SPTY2D1: variants seen among roughly 807,000 people sequenced by gnomAD.
The protein encoded by SPTY2D1 is protein SPT2 homolog.
Under a neutral mutation model 64.0 loss-of-function variants are expected in SPTY2D1, and 21 were observed. The ratio of observed to expected loss-of-function variants is 0.33; its 90% CI spans 0.23 to 0.47. The LOEUF is 0.47. SPTY2D1 is among the 20% of genes least tolerant of loss of function. The probability of loss-of-function intolerance (pLI) is 1.00; values close to 1 mark genes in which losing one functional copy is unlikely to be tolerated. For missense variants in SPTY2D1, 724 were observed against 837.2 expected, an observed-to-expected ratio of 0.86 and a Z score of 1.67; for synonymous variants, 287 against 286.8, an observed-to-expected ratio of 1.00 and a Z score of -0.01.
rs751834624 is a variant in SPTY2D1 at position 18,615,955 on chromosome 11, T to C, written c.319A>G (p.Lys107Glu). Residue 107 changes from lysine (K) to glutamate (E), a missense_variant, in exon 3 of 6, where the codon AAG becomes GAG. Around this residue, in one of 3 missense-constraint regions of SPTY2D1, gnomAD observed 179 missense variants for 232.5 expected, o/e 0.77. Coordinates refer to ENST00000336349, the MANE Select transcript of SPTY2D1 (RefSeq NM_194285.3). ...NGIPIEEKSK[K>E]RQATESHTSQ... ...GTATGGCTTTCTGTTGCCTGCCTCTTCTTTGACTTTTCCTCAATAGGAATC... is the reference window on the plus strand; with the variant it reads ...GTATGGCTTTCTGTTGCCTGCCTCTCCTTTGACTTTTCCTCAATAGGAATC... 6.8e-6 allele frequency: 11 copies of C among 1,608,854 alleles called. No homozygotes were observed. Among genetic ancestry groups the C allele is most frequent in the Non-Finnish European group, 6.0e-6 (7 of 1,175,892 alleles).
In SPTY2D1 at chr11:18,615,381, G is replaced by C; in HGVS notation, c.893C>G (p.Pro298Arg). 1 of 1,614,216 alleles carries C rather than the reference G, an allele frequency of 6.2e-7. No individual in the cohort carries two copies. Among genetic ancestry groups the C allele is most frequent in the Non-Finnish European group, 8.5e-7 (1 of 1,180,032 alleles). The change falls in exon 3 of 6, where the codon CCC becomes CGC. Residue 298 changes from proline to arginine, a missense_variant. Around this residue, in one of 3 missense-constraint regions of SPTY2D1, gnomAD observed 426 missense variants for 431.8 expected, o/e 0.99. Coordinates refer to ENST00000336349, the MANE Select transcript of SPTY2D1 (RefSeq NM_194285.3). ...IKAGSGNSSQPSLREGHDKPV... is the reference protein window; with the variant it reads ...IKAGSGNSSQRSLREGHDKPV... The stretch of plus-strand genomic sequence containing the variant: ...TTTGTCGTGGCCCTCACGAAGTGAG[G>C]GTTGGGAGCTATTGCCAGATCCTGC...
chr11:18,633,346 A>C (rs1406334569), intron 1 of SPTY2D1, among the ~76,000 whole-genome samples: 1 of 152,244 alleles, frequency 6.6e-6, no homozygotes, highest in African/African-American at 2.4e-5. Context: ...AACCGCAGGC[A>C]TCACCATGCA....
intron 1 of SPTY2D1, among the ~76,000 whole-genome samples, chr11:18,630,286 C>A (rs1228388499): frequency 6.6e-6 from 1 of 152,104 alleles, no homozygotes; most frequent in African/African-American, 2.4e-5. Flanking sequence ...ACCATCCTGA[C>A]CAACATGGTG....
rs777329093 is a variant in SPTY2D1 at position 18,614,574 on chromosome 11, C to A, written c.1700G>T (p.Arg567Ile). ...NGMKPPLSGY[R>I]AAQGPQRLPF... ...AGGGGAAATTTTACCTTGGGCAGCT[C>A]TGTAGCCAGATAGGGGAGGCTTCAT... Residue 567 changes from arginine to isoleucine, a missense_variant, in exon 3 of 6, where the codon AGA becomes ATA. By Grantham distance (97) the Arg-to-Ile change is moderately conservative. Coordinates refer to ENST00000336349, the MANE Select transcript of SPTY2D1 (RefSeq NM_194285.3). 1 of 1,608,564 alleles carries A rather than the reference C, an allele frequency of 6.2e-7. No individual in the cohort carries two copies.
intron 1 of SPTY2D1, among the ~76,000 whole-genome samples, chr11:18,619,391 G>A (rs923461528): frequency 2.6e-5 from 4 of 151,610 alleles, no homozygotes; most frequent in Non-Finnish European, 4.4e-5. Flanking sequence ...GGCTGAGGCG[G>A]GAGGACAGCT....
intron 1 of SPTY2D1, among the ~76,000 whole-genome samples, chr11:18,632,545 C>G: frequency 6.6e-6 from 1 of 152,130 alleles, no homozygotes; most frequent in East Asian, 1.9e-4. Context: ...GATGGGGTTT[C>G]ATCATATTTG....
At chr11:18,614,507 T>G in intron 3 of SPTY2D1, 56 bp downstream of exon 3, 2 of 1,519,524 alleles carry the variant, frequency 1.3e-6, no homozygotes, top group Non-Finnish European at 1.8e-6. Flanking sequence ...ATATAAAAAC[T>G]CTTTCCAATT....
In SPTY2D1 at chr11:18,615,569, T is replaced by C. The variant is rs747650634; in HGVS notation, c.705A>G (p.Lys235=). ...PTVSKKAPSQ[K]ESVGTKLSKG... The stretch of plus-strand genomic sequence containing the variant: ...TGCTAAGTTTTGTGCCCACACTTTC[T>C]TTCTGAGAGGGTGCCTTTTTGGACA... The change falls in exon 3 of 6, where the codon AAA becomes AAG. Residue 235 remains lysine (K), a synonymous_variant. Transcript: ENST00000336349. The C allele has an allele frequency of 2.0e-5, 33 of 1,614,132 alleles. No individual in the cohort carries two copies. Among genetic ancestry groups the C allele is most frequent in the Non-Finnish European group, 2.7e-5 (32 of 1,180,048 alleles).
intron 3 of SPTY2D1, 50 bp downstream of exon 3, chr11:18,614,513 C>T: frequency 6.5e-7 from 1 of 1,533,320 alleles, no homozygotes; most frequent in Non-Finnish European, 8.8e-7. Context: ...AAACTCTTTC[C>T]AATTTCCTAA....
chr11:18,618,979 C>T (rs979724447), intron 1 of SPTY2D1, among the ~76,000 whole-genome samples: 1 of 152,114 alleles, frequency 6.6e-6, no homozygotes, highest in Non-Finnish European at 1.5e-5. Context: ...ATAGTGAGAT[C>T]CTTTAAAGTC....
At chr11:18,613,800 G>A (rs1348510165) in intron 3 of SPTY2D1, among the ~76,000 whole-genome samples, 3 of 152,072 alleles carry the variant, frequency 2.0e-5, no homozygotes, top group African/African-American at 7.2e-5. Flanking sequence ...GCAGATTCCT[G>A]AAGGATCAGT....
At chr11:18,613,256 AACTC>A (rs113729227) in intron 3 of SPTY2D1, among the ~76,000 whole-genome samples, 18 of 152,296 alleles carry the variant, frequency 1.2e-4, no homozygotes, top group African/African-American at 4.1e-4. Flanking sequence ...CTGTAGGAAA[AACTC>A]ACTACATTAT....
At position 18,614,663 on chromosome 11, in the gene SPTY2D1, A is replaced by T. The variant is rs754707725; in HGVS notation, c.1611T>A (p.Val537=). ...TCTTGGAAGAAATTGTTTCGGAGAC[A>T]ACAGTGCACTTAGGCTTTATAGTGG... ...SGPTIKPKCT[V]VSETISSKNI... The change falls in exon 3 of 6, where the codon GTT becomes GTA. Residue 537 remains valine, a synonymous_variant. Coordinates refer to ENST00000336349, the MANE Select transcript of SPTY2D1 (RefSeq NM_194285.3). 6.2e-7 allele frequency: 1 copy of T among 1,614,272 alleles called. No individual in the cohort carries two copies. Among genetic ancestry groups the T allele is most frequent in the South Asian group, 1.1e-5 (1 of 91,090 alleles).
In SPTY2D1 at chr11:18,607,293, G is replaced by A. The variant is rs1337835303; in HGVS notation, c.*2568C>T. 3 of 152,860 alleles carry A rather than the reference G, an allele frequency of 2.0e-5. No individual in the cohort carries two copies. Among genetic ancestry groups the A allele is most frequent in the Non-Finnish European group, 2.9e-5 (2 of 68,212 alleles). The allele number at this position is 152,860 out of a possible 1,614,324, so 9.5% of individuals were successfully genotyped here. ...TAGTTTAGCGAAAATACAAAGTTCT[G>A]AAAGTAGCCTTAAAAGAAGTGCCCT... On this transcript the variant is annotated 3_prime_UTR_variant, in exon 6 of 6. Coordinates refer to ENST00000336349, the MANE Select transcript of SPTY2D1 (RefSeq NM_194285.3).
rs1854301177 is a variant in SPTY2D1, at chr11:18,616,465, G to T, written c.176-367C>A. Among the ~76,000 whole-genome samples the T allele has an allele frequency of 2.0e-5, 3 of 152,110 alleles. No homozygotes were observed. In the South Asian group the frequency reaches 6.2e-4, roughly 32 times the overall value. On this transcript the variant is annotated intron_variant, in intron 2 of 5. Coordinates refer to ENST00000336349, the MANE Select transcript of SPTY2D1 (RefSeq NM_194285.3). ...GTATTTGCATGAAGTAGAACTATTC[G>T]AAATAAAGACTTTAAAACTTATCTC...
At chr11:18,617,927 G>C (rs918584081) in intron 1 of SPTY2D1, among the ~76,000 whole-genome samples, 15 of 152,158 alleles carry the variant, frequency 9.9e-5, no homozygotes, top group Admixed American at 8.5e-4. Context: ...GGACAACAGA[G>C]CAAAACTCCG....
chr11:18,634,214 C>A lies in SPTY2D1; in HGVS notation c.44G>T (p.Gly15Val). Residue 15 changes from glycine to valine, a missense_variant, in exon 1 of 6, where the codon GGT becomes GTT. Physicochemically the swap from Gly to Val is moderately radical, Grantham distance 109 (BLOSUM62 -3). Transcript: ENST00000336349. ...EILMIASKGQ[G>V]VNNVPKRYSL... ...GCTACTTACCGGCACATTGTTGACACCTTGTCCCTTGGAAGCTATCATGAG... is the reference window on the plus strand; with the variant it reads ...GCTACTTACCGGCACATTGTTGACAACTTGTCCCTTGGAAGCTATCATGAG... The A allele has an allele frequency of 6.2e-7, 1 of 1,614,228 alleles. No individual in the cohort carries two copies. The highest frequency in any genetic ancestry group is 8.5e-7 in the Non-Finnish European group (1 of 1,180,054).
intron 1 of SPTY2D1, among the ~76,000 whole-genome samples, chr11:18,633,052 G>C (rs1854613620): frequency 6.6e-6 from 1 of 152,104 alleles, no homozygotes; most frequent in Non-Finnish European, 1.5e-5. Context: ...TATGACTCAC[G>C]GCTTAGAGGA....
At chr11:18,631,305 G>T (rs1469447274) in intron 1 of SPTY2D1, among the ~76,000 whole-genome samples, 1 of 152,160 alleles carries the variant, frequency 6.6e-6, no homozygotes, top group East Asian at 1.9e-4. Context: ...CTGGCTCAGT[G>T]GTTCACACCT....
Sources: allele counts gnomAD v4.1 joint callset (sites outside exome capture counted in the v4.1 genomes callset), GRCh38; gene constraint gnomAD v4.1.1; regional missense constraint gnomAD v4.1.1; transcripts MANE v1.5; gene names NCBI Gene and HGNC (gene_info 2026-07-23, HGNC 2026-07-21).